PSD3: variants seen among roughly 807,000 people sequenced by gnomAD.
PSD3 encodes the protein PH and SEC7 domain-containing protein 3.
Under a neutral mutation model 105.5 loss-of-function variants are expected in PSD3, and 49 were observed. The ratio of observed to expected loss-of-function variants is 0.46; its 90% CI spans 0.37 to 0.59. The LOEUF is 0.59. PSD3 is among the 20% of genes least tolerant of loss of function. The probability of loss-of-function intolerance (pLI) is 0.00; values close to 1 mark genes in which losing one functional copy is unlikely to be tolerated. For synonymous variants in PSD3, 557 were observed against 457.8 expected (o/e 1.22, Z -2.77); for missense variants, 1,561 against 1,263.8 (o/e 1.24, Z -3.57).
At position 18,894,762 on chromosome 8, in the gene PSD3, T is replaced by A. The variant is rs899380634; in HGVS notation, c.131-22029A>T. Among the ~76,000 whole-genome samples the A allele has an allele frequency of 2.0e-5, 3 of 152,042 alleles. 1 individual carries two copies. The highest frequency in any genetic ancestry group is 2.9e-5 in the Non-Finnish European group (2 of 68,008). ...AATCGGAACTCCCACCCTATGATAATAACGTAATGAGAAAAAAATACAAAG... is the reference window on the plus strand; with the variant it reads ...AATCGGAACTCCCACCCTATGATAAAAACGTAATGAGAAAAAAATACAAAG... On this transcript the variant is annotated intron_variant, in intron 2 of 15. Transcript: ENST00000327040.
intron 9 of PSD3, among the ~76,000 whole-genome samples, chr8:18,658,372 T>C (rs1441615034): frequency 2.6e-5 from 4 of 152,198 alleles, no homozygotes; most frequent in Admixed American, 2.6e-4. Flanking sequence ...ATGAATTCCC[T>C]TGATTCTTCT....
intron 1 of PSD3, among the ~76,000 whole-genome samples, chr8:18,954,150 A>G (rs543770042): frequency 6.6e-6 from 1 of 152,240 alleles, no homozygotes; most frequent in East Asian, 1.9e-4. Flanking sequence ...TCTTAAGTCG[A>G]ACCATCTTAA....
intron 12 of PSD3, among the ~76,000 whole-genome samples, chr8:18,580,961 C>A (rs916743350): frequency 6.6e-6 from 1 of 152,144 alleles, no homozygotes; most frequent in Admixed American, 6.6e-5. Context: ...ACAACCAGAA[C>A]TGGAACAAGA....
chr8:18,574,525 C>A (rs1019097485), intron 13 of PSD3, among the ~76,000 whole-genome samples: 1 of 152,214 alleles, frequency 6.6e-6, no homozygotes, highest in Non-Finnish European at 1.5e-5. Context: ...CCCCCTAAAA[C>A]TGGCAATTCA....
intron 9 of PSD3, among the ~76,000 whole-genome samples, chr8:18,708,772 G>A (rs376243768): frequency 1.2e-4 from 19 of 152,042 alleles, no homozygotes; most frequent in African/African-American, 4.3e-4. Context: ...TGCACCTTCA[G>A]CTGAGGGATC....
chr8:18,668,809 T>C (rs1799623635), intron 9 of PSD3, among the ~76,000 whole-genome samples: 1 of 152,248 alleles, frequency 6.6e-6, no homozygotes, highest in African/African-American at 2.4e-5. Context: ...TAATAAATTT[T>C]GCAACTCTGA....
At chr8:18,586,604 G>GT (rs1487066968) in intron 12 of PSD3, among the ~76,000 whole-genome samples, 1 of 152,010 alleles carries the variant, frequency 6.6e-6, no homozygotes. Flanking sequence ...TGAAGGGAAG[G>GT]TGGTCTTCAA....
chr8:18,867,709 G>A lies in PSD3; in HGVS notation c.1599C>T (p.Tyr533=). The change falls in exon 4 of 16, where the codon TAC becomes TAT. Residue 533 remains tyrosine (Y), a synonymous_variant. Coordinates refer to ENST00000327040, the MANE Select transcript of PSD3 (RefSeq NM_015310.4). ...AAGCAATCTCCGGGGTGCCTTTCGT[G>A]TAGATGGAGTCGCTGGCATCATTCA... ...NGLNDASDSI[Y]TKGTPEIAFW... 6.2e-7 allele frequency: 1 copy of A among 1,613,968 alleles called. No individual in the cohort carries two copies. The highest frequency in any genetic ancestry group is 8.5e-7 in the Non-Finnish European group (1 of 1,179,902).
chr8:19,004,195 T>C (rs567373552), intron 1 of PSD3, among the ~76,000 whole-genome samples: 122 of 152,194 alleles, frequency 8.0e-4, no homozygotes, highest in African/African-American at 2.9e-3. Context: ...GACTATTTTC[T>C]ATACATAAAA....
intron 1 of PSD3, among the ~76,000 whole-genome samples, chr8:19,044,798 TAGG>T (rs773432519): frequency 2.8e-5 from 4 of 143,674 alleles, no homozygotes; most frequent in Non-Finnish European, 5.9e-5. Context: ...CAAGGATGAA[TAGG>T]AGTTTGGTGG....
chr8:18,818,921 G>C (rs1563308776), intron 4 of PSD3, among the ~76,000 whole-genome samples: 1 of 152,058 alleles, frequency 6.6e-6, no homozygotes, highest in Non-Finnish European at 1.5e-5. Context: ...ATCCCTGCCA[G>C]GGCTCACAGG....
rs959559688 is a variant in PSD3, at chr8:18,577,712, A to G, written c.2482-2427T>C. On this transcript the variant is annotated intron_variant, in intron 12 of 15. Transcript: ENST00000327040. Reference sequence around the variant, plus strand: ...TCTATTCCTCACCCACATCAACAAGATAAGACTTTGAAAAATGTTTTGTTC... The same window carrying G: ...TCTATTCCTCACCCACATCAACAAGGTAAGACTTTGAAAAATGTTTTGTTC... Among the ~76,000 whole-genome samples the G allele has an allele frequency of 2.0e-5, 3 of 152,064 alleles. 1 individual carries two copies. The highest frequency in any genetic ancestry group is 4.4e-5 in the Non-Finnish European group (3 of 67,966).
At chr8:18,707,457 G>T (rs1280556507) in intron 9 of PSD3, among the ~76,000 whole-genome samples, 1 of 152,192 alleles carries the variant, frequency 6.6e-6, no homozygotes, top group African/African-American at 2.4e-5. Context: ...TTGGCAGATT[G>T]GAGGATTGGG....
intron 1 of PSD3, among the ~76,000 whole-genome samples, chr8:19,020,304 T>C (rs1371073151): frequency 6.6e-6 from 1 of 151,940 alleles, no homozygotes; most frequent in Non-Finnish European, 1.5e-5. Context: ...GGAGAGTAGA[T>C]GATTGCAAAG....
intron 9 of PSD3, among the ~76,000 whole-genome samples, chr8:18,723,037 C>G (rs896638569): frequency 1.3e-5 from 2 of 152,118 alleles, no homozygotes; most frequent in South Asian, 2.1e-4. Flanking sequence ...TTCCATAATA[C>G]TGGCATGCAA....
intron 1 of PSD3, among the ~76,000 whole-genome samples, chr8:18,967,101 G>A (rs1278844322): frequency 1.3e-5 from 2 of 151,934 alleles, no homozygotes; most frequent in African/African-American, 4.8e-5. Flanking sequence ...TTCTTTTCAC[G>A]TGGGCTGTAA....
At chr8:18,976,516 T>C (rs77440730) in intron 1 of PSD3, among the ~76,000 whole-genome samples, 9,191 of 152,206 alleles carry the variant, frequency 0.06, 620 homozygotes, top group African/African-American at 0.17. Flanking sequence ...AATATGTAGT[T>C]AGCAGTAGCC....
chr8:18,776,956 T>G (rs1396735076), intron 8 of PSD3, among the ~76,000 whole-genome samples: 1 of 152,212 alleles, frequency 6.6e-6, no homozygotes, highest in Non-Finnish European at 1.5e-5. Context: ...TTTGTATTTC[T>G]GCGGTATCAG....
At chr8:18,688,198 C>T (rs1253270206) in intron 9 of PSD3, among the ~76,000 whole-genome samples, 1 of 152,178 alleles carries the variant, frequency 6.6e-6, no homozygotes, top group Non-Finnish European at 1.5e-5. Flanking sequence ...ATCCTCATGC[C>T]TGAGCCTCCT....
Sources: gnomAD v4.1 joint callset for allele counts (sites outside exome capture counted in the v4.1 genomes callset) on GRCh38, gnomAD v4.1.1 for gene constraint, MANE v1.5 for transcripts, NCBI Gene and HGNC (gene_info 2026-07-23, HGNC 2026-07-21) for gene names.